Variants in PIWIL1 observed in about 807,000 individuals in gnomAD.
The protein encoded by PIWIL1 is piwi-like protein 1.
Under a neutral mutation model 114.4 loss-of-function variants are expected in PIWIL1, and 73 were observed. The ratio of observed to expected loss-of-function variants is 0.64; its 90% CI spans 0.53 to 0.78. PIWIL1 has a LOEUF of 0.78. Ranked by LOEUF, PIWIL1 falls within the 30% of genes least tolerant of loss-of-function variation. The pLI, the probability that PIWIL1 is intolerant of heterozygous loss-of-function variation, is 0.00. For missense variants in PIWIL1, 723 were observed against 1,063.1 expected (o/e 0.68, Z 4.45); for synonymous variants, 375 against 369.0 (o/e 1.02, Z -0.19).
chr12:130,391,970 A>C, the PIWIL1 span, among the ~76,000 whole-genome samples: 1 of 152,198 alleles, frequency 6.6e-6, no homozygotes, highest in African/African-American at 2.4e-5. Context: ...TCCATCAGTT[A>C]CCTGGTGAAT....
the PIWIL1 span, among the ~76,000 whole-genome samples, chr12:130,413,525 C>T: frequency 1.3e-5 from 2 of 149,992 alleles, no homozygotes; most frequent in Admixed American, 6.7e-5. Context: ...CCCAGCTACT[C>T]GGGAGGCTGA....
In PIWIL1 at chr12:130,354,950, C is replaced by A; in HGVS notation, c.1234C>A (p.Leu412Ile). 6.2e-7 allele frequency: 1 copy of A among 1,613,970 alleles called. No homozygotes were observed. The highest frequency in any genetic ancestry group is 8.5e-7 in the Non-Finnish European group (1 of 1,179,834). Reference protein sequence around the residue: ...VMKDLAVHTRLTPEQRQREVG... With the variant: ...VMKDLAVHTRITPEQRQREVG... The stretch of plus-strand genomic sequence containing the variant: ...GAAAGACTTAGCCGTTCATACAAGA[C>A]TAACTCCAGAGCAAAGGCAGCGTGA... Residue 412 changes from leucine to isoleucine, a missense_variant, in exon 11 of 21, where the codon CTA becomes ATA. This residue lies in a region of PIWIL1 where 298 missense variants were observed against 420.8 expected (regional missense o/e 0.71). Transcript: ENST00000245255.
chr12:130,346,000 CACTT>C (rs142561006), intron 4 of PIWIL1, 122 bp downstream of exon 4: 156,701 of 1,006,374 alleles, frequency 0.16, 13,490 homozygotes, highest in South Asian at 0.22. Flanking sequence ...CGATTTTCCT[CACTT>C]TCTTTTGGCG....
the PIWIL1 span, chr12:130,412,522 C>G: frequency 6.3e-6 from 7 of 1,114,906 alleles, no homozygotes; most frequent in Admixed American, 4.5e-5. Flanking sequence ...TTAAATGATG[C>G]AATTTGGGGT....
intron 10 of PIWIL1, 92 bp downstream of exon 10, chr12:130,354,755 C>T: frequency 3.4e-6 from 5 of 1,489,982 alleles, no homozygotes; most frequent in Non-Finnish European, 4.5e-6. Flanking sequence ...TTCCCCTTCC[C>T]TCCCCCCAGA....
At chr12:130,414,021 G>A in the PIWIL1 span, 1 of 1,228,960 alleles carries the variant, frequency 8.1e-7, no homozygotes, top group Non-Finnish European at 1.2e-6. Flanking sequence ...TGGCCTGCAG[G>A]AGAAGGCCAT....
At position 130,357,531 on chromosome 12, in the gene PIWIL1, A is replaced by G; in HGVS notation, c.1643A>G (p.Lys548Arg). ...GCCTACTTAAGAGTCTTACAGCAAA[A>G]GGTCACAGCAGACACCCAGATAGTA... The part of the protein sequence containing the change: ...TEAYLRVLQQ[K>R]VTADTQIVVC... The change falls in exon 14 of 21, where the codon AAG (lysine) becomes AGG (arginine). Residue 548 changes from lysine (K) to arginine (R), a missense_variant. By Grantham distance (26) the Lys-to-Arg change is conservative. Around this residue, in one of 8 missense-constraint regions of PIWIL1, gnomAD observed 298 missense variants for 420.8 expected, o/e 0.71. Transcript: ENST00000245255. 6.2e-7 allele frequency: 1 copy of G among 1,611,890 alleles called. No individual in the cohort carries two copies. The highest frequency in any genetic ancestry group is 8.5e-7 in the Non-Finnish European group (1 of 1,178,028).
the PIWIL1 span, among the ~76,000 whole-genome samples, chr12:130,415,343 C>A: frequency 6.6e-6 from 1 of 152,088 alleles, no homozygotes; most frequent in Non-Finnish European, 1.5e-5. Context: ...GCAATAAAAT[C>A]CAACATCCCT....
intron 6 of PIWIL1, among the ~76,000 whole-genome samples, chr12:130,347,775 C>G (rs2073107909): frequency 6.6e-6 from 1 of 152,176 alleles, no homozygotes; most frequent in African/African-American, 2.4e-5. Context: ...CTCTTGGCAG[C>G]TCTTCAGCTC....
chr12:130,361,462 T>C (rs1452764073), intron 15 of PIWIL1, 36 bp from the exon 16 acceptor site: 1 of 1,609,448 alleles, frequency 6.2e-7, no homozygotes, highest in East Asian at 2.2e-5. Context: ...TTGCTGGTAC[T>C]CCATTGTATC....
intron 9 of PIWIL1, 106 bp from the exon 10 acceptor site, chr12:130,354,431 A>G: frequency 1.4e-6 from 2 of 1,393,102 alleles, no homozygotes; most frequent in Admixed American, 2.0e-5. Flanking sequence ...CAGCCTTGCT[A>G]TTGGCATCAG....
At chr12:130,361,662 CAGG>C (rs2073512761) in intron 16 of PIWIL1, 61 bp downstream of exon 16, 1 of 1,277,472 alleles carries the variant, frequency 7.8e-7, no homozygotes, top group African/African-American at 1.5e-5. Flanking sequence ...TCTGGAGGTT[CAGG>C]AGTAGTGTTC....
Position 130,345,740 on chromosome 12 carries a change from A to ATT in PIWIL1, c.191-5_191-4dup. On this transcript the variant is annotated splice_polypyrimidine_tract_variant and intron_variant, in intron 3 of 20. Coordinates refer to ENST00000245255, the MANE Select transcript of PIWIL1 (RefSeq NM_004764.5). ...GTGCTTTATGTTGCTCAAGTACACA[A>ATT]TTTTTTTTTAAGGACTCCAGATATC... 6.4e-7 allele frequency: 1 copy of ATT among 1,565,900 alleles called. No homozygotes were observed. Among genetic ancestry groups the ATT allele is most frequent in the Non-Finnish European group, 8.7e-7 (1 of 1,144,060 alleles).
At chr12:130,348,624 C>T (rs971781185) in intron 7 of PIWIL1, among the ~76,000 whole-genome samples, 35 of 152,116 alleles carry the variant, frequency 2.3e-4, no homozygotes, top group African/African-American at 8.0e-4. Context: ...AATAAAAGGC[C>T]GGGCGTGGTG....
intron 4 of PIWIL1, 134 bp from the exon 5 acceptor site, chr12:130,346,236 T>A: frequency 1.5e-6 from 1 of 652,630 alleles, no homozygotes; most frequent in South Asian, 2.0e-5. Flanking sequence ...AAGTCAGATG[T>A]CTGAGGACTT....
Position 130,363,088 on chromosome 12 carries a change from G to T in PIWIL1, c.2139G>T (p.Val713=). The change falls in exon 18 of 21, where the codon GTG becomes GTT. Residue 713 remains valine (V), a synonymous_variant. Coordinates refer to ENST00000245255, the MANE Select transcript of PIWIL1 (RefSeq NM_004764.5). ...GAGACGGCCAGCTGAAAACACTGGTGAACTACGAAGTGCCACAGTTTTTGG... is the reference window on the plus strand; with the variant it reads ...GAGACGGCCAGCTGAAAACACTGGTTAACTACGAAGTGCCACAGTTTTTGG... ...GVGDGQLKTL[V]NYEVPQFLDC... is the part of the protein sequence containing the mutation. 1 of 1,614,202 alleles carries T rather than the reference G, an allele frequency of 6.2e-7. No individual in the cohort carries two copies. Among genetic ancestry groups the T allele is most frequent in the Non-Finnish European group, 8.5e-7 (1 of 1,180,006 alleles).
rs780072403 is a variant in PIWIL1 at position 130,343,022 on chromosome 12, TCAGCCGCCAC to T, written c.116_125del (p.Pro39GlnfsTer35). On this transcript the variant is annotated frameshift_variant, in exon 3 of 21. Coordinates refer to ENST00000245255, the MANE Select transcript of PIWIL1 (RefSeq NM_004764.5). LOFTEE classifies it high-confidence loss of function. ...AACCTGGTTATATTCAGCCTAGGCC[TCAGCCGCCAC>T]CAGCAGAGGGGGAATTATTTGGCCG... 1 of 1,614,130 alleles carries T rather than the reference TCAGCCGCCAC, an allele frequency of 6.2e-7. No individual in the cohort carries two copies. Among genetic ancestry groups the T allele is most frequent in the Non-Finnish European group, 8.5e-7 (1 of 1,179,988 alleles).
rs919045711 is a variant in PIWIL1 at position 130,342,630 on chromosome 12, C to T, written c.39C>T (p.Ala13=). 1 of 1,613,844 alleles carries T rather than the reference C, an allele frequency of 6.2e-7. No homozygotes were observed. The highest frequency in any genetic ancestry group is 1.3e-5 in the African/African-American group (1 of 74,926). ...CCCGAGCCAGAGCCAGAGGAAGGGC[C>T]CGCGGTCAGGAGACAGCGCAGCTGG... ...GRARARARGR[A]RGQETAQLVG... The change falls in exon 2 of 21, where the codon GCC becomes GCT. Residue 13 remains alanine, a synonymous_variant. Transcript: ENST00000245255.
At chr12:130,418,222 C>T in the PIWIL1 span, among the ~76,000 whole-genome samples, 1 of 152,120 alleles carries the variant, frequency 6.6e-6, no homozygotes, top group Non-Finnish European at 1.5e-5. Flanking sequence ...TTTTTGAATG[C>T]CTAATCTAAA....
Sources: allele counts gnomAD v4.1 joint callset (sites outside exome capture counted in the v4.1 genomes callset), GRCh38; gene constraint gnomAD v4.1.1; regional missense constraint gnomAD v4.1.1; transcripts MANE v1.5; gene names NCBI Gene and HGNC (gene_info 2026-07-23, HGNC 2026-07-21).